TEAD4: variants seen among roughly 807,000 people sequenced by gnomAD.
TEAD4 encodes transcriptional enhancer factor TEF-3.
Under a neutral mutation model 52.4 loss-of-function variants are expected in TEAD4, and 36 were observed. That is an observed-to-expected ratio of 0.69 (90% CI 0.53 to 0.91). The LOEUF (loss-of-function observed/expected upper bound fraction) is 0.91. TEAD4 is among the 40% of genes least tolerant of loss of function. The pLI, the probability that TEAD4 is intolerant of heterozygous loss-of-function variation, is 0.00. For missense variants in TEAD4, 508 were observed against 583.9 expected (o/e 0.87, Z 1.34); for synonymous variants, 220 against 231.0 (o/e 0.95, Z 0.43).
At chr12:3,001,811 A>G (rs572994103) in intron 3 of TEAD4, among the ~76,000 whole-genome samples, 81 of 147,404 alleles carry the variant, frequency 5.5e-4, no homozygotes, top group Non-Finnish European at 8.9e-4. Flanking sequence ...GCCAGGCGTG[A>G]TGGCTCATGT....
intron 2 of TEAD4, chr12:2,960,399 G>A (rs1340808196): frequency 6.1e-6 from 6 of 983,616 alleles, no homozygotes; most frequent in South Asian, 9.4e-5. Flanking sequence ...GCGAAAGTCG[G>A]GGGACCCCTG....
At chr12:2,995,037 A>G (rs1057015599) in intron 3 of TEAD4, 45 bp downstream of exon 3, 30 of 1,586,644 alleles carry the variant, frequency 1.9e-5, no homozygotes, top group Non-Finnish European at 2.4e-5. Flanking sequence ...GGCTGAGGCA[A>G]GGGGCCGACA....
chr12:2,993,450 C>G (rs1001624072), intron 2 of TEAD4, among the ~76,000 whole-genome samples: 1 of 151,758 alleles, frequency 6.6e-6, no homozygotes, highest in Non-Finnish European at 1.5e-5. Flanking sequence ...TGCACCCTGC[C>G]GACTACTTTA....
At chr12:2,966,518 C>G (rs554888939) in intron 2 of TEAD4, among the ~76,000 whole-genome samples, 83 of 151,072 alleles carry the variant, frequency 5.5e-4, no homozygotes, top group African/African-American at 1.9e-3. Flanking sequence ...TCAAGCAATT[C>G]TCATGCCTCA....
chr12:3,031,236 C>T (rs566762432), intron 10 of TEAD4, among the ~76,000 whole-genome samples: 5 of 152,276 alleles, frequency 3.3e-5, no homozygotes, highest in African/African-American at 1.2e-4. Flanking sequence ...CTTGAGCACT[C>T]ACCGCCCCCG....
intron 2 of TEAD4, among the ~76,000 whole-genome samples, chr12:2,976,713 G>C (rs1368187202): frequency 9.5e-6 from 1 of 105,748 alleles, no homozygotes; most frequent in Non-Finnish European, 1.8e-5. Flanking sequence ...TGAGGAGATG[G>C]GATGCTGGGT....
At chr12:3,020,098 G>T (rs977147044) in intron 8 of TEAD4, among the ~76,000 whole-genome samples, 1 of 152,158 alleles carries the variant, frequency 6.6e-6, no homozygotes, top group Non-Finnish European at 1.5e-5. Flanking sequence ...TTCAGGACAC[G>T]ATCTAAACTA....
rs763254392 is a variant in TEAD4, at chr12:2,994,890, G to A, written c.124G>A (p.Val42Met). 14 of 1,614,080 alleles carry A rather than the reference G, an allele frequency of 8.7e-6. No individual in the cohort carries two copies. The highest frequency in any genetic ancestry group is 1.6e-4 in the Middle Eastern group (1 of 6,084). The change falls in exon 3 of 13, where the codon GTG (valine) becomes ATG (methionine). Residue 42 changes from valine to methionine, a missense_variant. Val to Met is a conservative substitution (Grantham distance 21). Transcript: ENST00000359864. This position sits in a 1 kb window ranked among gnomAD's most constrained non-coding sequence, Gnocchi z 4.7. ...GCCCATCGACAATGACGCAGAGGGC[G>A]TGTGGAGCCCGGATATTGAGCAGAG...
chr12:2,999,606 G>A (rs895931735), intron 3 of TEAD4, among the ~76,000 whole-genome samples: 12 of 152,316 alleles, frequency 7.9e-5, no homozygotes, highest in African/African-American at 2.6e-4. Flanking sequence ...CTCCTGGGCC[G>A]GCTCCCGAGC....
At position 2,959,817 on chromosome 12, in the gene TEAD4, C is replaced by T. The variant is rs954261182; in HGVS notation, c.-122-131C>T. 1.3e-5 allele frequency: 2 copies of T among 151,454 alleles called. No individual in the cohort carries two copies. Among genetic ancestry groups the T allele is most frequent in the Admixed American group, 6.6e-5 (1 of 15,184 alleles). The allele number at this position is 151,454 out of a possible 1,614,324, so 9.4% of individuals were successfully genotyped here. On this transcript the variant is annotated intron_variant, in intron 1 of 12. Coordinates refer to ENST00000359864, the MANE Select transcript of TEAD4 (RefSeq NM_003213.4). This position sits in a 1 kb window ranked among gnomAD's most constrained non-coding sequence, Gnocchi z 5.1. ...AACTCCTCCCTCCGCGCGCTCCGCT[C>T]CGCTCCGCTGGGCGCACCGGGGCCG... is the stretch of plus-strand genomic sequence containing the variant.
intron 2 of TEAD4, among the ~76,000 whole-genome samples, chr12:2,965,453 C>T (rs1388404961): frequency 1.3e-5 from 2 of 152,086 alleles, no homozygotes; most frequent in African/African-American, 4.8e-5. Flanking sequence ...AGCCATCATA[C>T]CCTGCCAATT....
At chr12:2,998,685 T>C (rs2098249228) in intron 3 of TEAD4, among the ~76,000 whole-genome samples, 1 of 152,100 alleles carries the variant, frequency 6.6e-6, no homozygotes, top group Non-Finnish European at 1.5e-5. Flanking sequence ...GCACCTCTGC[T>C]TGCAGATGCA....
At chr12:2,986,001 G>A (rs953439082) in intron 2 of TEAD4, among the ~76,000 whole-genome samples, 2 of 151,880 alleles carry the variant, frequency 1.3e-5, no homozygotes, top group Non-Finnish European at 2.9e-5. Flanking sequence ...GCGGAGAATT[G>A]CTTGAACCCG....
At chr12:3,028,917 C>T (rs148706196) in intron 10 of TEAD4, among the ~76,000 whole-genome samples, 55 of 152,136 alleles carry the variant, frequency 3.6e-4, no homozygotes, top group Middle Eastern at 3.4e-3. Flanking sequence ...ACGTGTGAGC[C>T]GCTGTCCCCA....
At chr12:2,989,473 C>G (rs546346909) in intron 2 of TEAD4, among the ~76,000 whole-genome samples, 1 of 152,152 alleles carries the variant, frequency 6.6e-6, no homozygotes, top group Non-Finnish European at 1.5e-5. Flanking sequence ...GAATCTCCTT[C>G]TGTCGCCCAG....
At chr12:2,996,833 A>G (rs970854023) in intron 3 of TEAD4, among the ~76,000 whole-genome samples, 1 of 151,598 alleles carries the variant, frequency 6.6e-6, no homozygotes, top group African/African-American at 2.4e-5. Flanking sequence ...CTTCTGCTTC[A>G]CCCTCCCGAG....
At chr12:3,023,252 G>A (rs1053645008) in intron 10 of TEAD4, among the ~76,000 whole-genome samples, 16 of 152,178 alleles carry the variant, frequency 1.1e-4, no homozygotes, top group African/African-American at 3.6e-4. Flanking sequence ...GAGTGCATGA[G>A]TAGTAAAGGC....
At chr12:2,978,274 A>C (rs1379918433) in intron 2 of TEAD4, among the ~76,000 whole-genome samples, 1 of 152,146 alleles carries the variant, frequency 6.6e-6, no homozygotes, top group Non-Finnish European at 1.5e-5. Flanking sequence ...GTTTGGTGGC[A>C]TTAAGGACAT....
chr12:2,995,110 G>A (rs1180505150), intron 3 of TEAD4, 118 bp downstream of exon 3: 4 of 1,306,844 alleles, frequency 3.1e-6, no homozygotes, highest in Non-Finnish European at 4.1e-6. Flanking sequence ...TTTGTCGGGT[G>A]GACACTGCTT....
Sources: gnomAD v4.1 joint callset for allele counts (sites outside exome capture counted in the v4.1 genomes callset) on GRCh38, gnomAD v4.1.1 for gene constraint, Gnocchi (gnomAD v3.1) non-coding constraint, MANE v1.5 for transcripts, NCBI Gene and HGNC (gene_info 2026-07-23, HGNC 2026-07-21) for gene names.